The following MALAT1 variants were observed in gnomAD, a reference collection of about 807,000 sequenced individuals.
MALAT1 encodes the protein metastasis associated lung adenocarcinoma transcript 1.
At chr11:65,498,368 G>C (rs1854448053) in intron 1 of MALAT1, 2 of 518,268 alleles carry the variant, frequency 3.9e-6, no homozygotes, top group Non-Finnish European at 7.7e-6. Flanking sequence ...CCGCAGATCA[G>C]AGTGGGCCAC....
At chr11:65,500,542 A>G (rs1370112777) in exon 3 of MALAT1, 1 of 518,994 alleles carries the variant, frequency 1.9e-6, no homozygotes, top group East Asian at 5.4e-5. Flanking sequence ...TCCAGGAGCC[A>G]GTGCGATTTG....
exon 3 of MALAT1, chr11:65,501,207 G>A (rs752425223): frequency 4.0e-6 from 2 of 497,890 alleles, no homozygotes; most frequent in Admixed American, 2.1e-5. Context: ...TAACTGAGGC[G>A]GGGGGGAGTT....
exon 3 of MALAT1, chr11:65,501,356 A>T (rs1351796151): frequency 1.9e-6 from 1 of 518,580 alleles, no homozygotes; most frequent in Non-Finnish European, 3.8e-6. Context: ...TAATCAGACC[A>T]CCACAGGTTT....
At chr11:65,499,067 G>T (rs776016085) in exon 3 of MALAT1, 3 of 518,212 alleles carry the variant, frequency 5.8e-6, no homozygotes, top group East Asian at 1.1e-4. Flanking sequence ...AGCCAGCGCA[G>T]GGGCTTCTGC....
At chr11:65,503,276 T>C (rs1565054566) in exon 3 of MALAT1, 3 of 517,596 alleles carry the variant, frequency 5.8e-6, no homozygotes, top group Non-Finnish European at 1.2e-5. Context: ...ATATCAACCA[T>C]GGCACTTTCT....
At chr11:65,502,133 G>GT (rs1590703593) in exon 3 of MALAT1, 3 of 516,708 alleles carry the variant, frequency 5.8e-6, no homozygotes, top group Non-Finnish European at 7.7e-6. Flanking sequence ...ATTTGATACT[G>GT]TATCTGTTTT....
At chr11:65,501,705 T>C (rs1854549609) in exon 3 of MALAT1, 2 of 519,030 alleles carry the variant, frequency 3.9e-6, no homozygotes, top group South Asian at 2.8e-5. Flanking sequence ...GTATTCCCAG[T>C]TGAAGCTGAA....
intron 3 of MALAT1, chr11:65,505,645 TCCA>T (rs1854668933): frequency 1.9e-6 from 1 of 518,890 alleles, no homozygotes; most frequent in African/African-American, 1.9e-5. Flanking sequence ...GTGGGCATGA[TCCA>T]TAATCGGTTT....
At chr11:65,499,821 C>T (rs757600154) in exon 3 of MALAT1, 2 of 418,384 alleles carry the variant, frequency 4.8e-6, no homozygotes, top group South Asian at 3.6e-5. Context: ...AAGCTAAGGG[C>T]AAAATGTACA....
At chr11:65,500,684 G>A (rs771408929) in exon 3 of MALAT1, 12 of 519,024 alleles carry the variant, frequency 2.3e-5, no homozygotes, top group South Asian at 1.5e-4. Flanking sequence ...ACCACACGGA[G>A]GAGGCGAGCA....
chr11:65,502,262 T>C (rs935574954), exon 3 of MALAT1: 1 of 518,532 alleles, frequency 1.9e-6, no homozygotes, highest in African/African-American at 1.9e-5. Context: ...TATGGTAGTG[T>C]GTGGTTCTCT....
chr11:65,504,763 C>A (rs1434570848), intron 3 of MALAT1: 1 of 518,856 alleles, frequency 1.9e-6, no homozygotes, highest in African/African-American at 1.9e-5. Context: ...ATCTTTAGTG[C>A]ATTGTTTATG....
At chr11:65,504,784 T>C (rs1334633413) in intron 3 of MALAT1, 1 of 518,908 alleles carries the variant, frequency 1.9e-6, no homozygotes, top group African/African-American at 1.9e-5. Context: ...TGTGGGTTTC[T>C]CTCTCCCCTC....
intron 2 of MALAT1, chr11:65,498,787 T>TA: frequency 1.9e-6 from 1 of 518,976 alleles, no homozygotes; most frequent in South Asian, 1.4e-5. Flanking sequence ...CCGTTTAAAA[T>TA]ATGATTTCCA....
At chr11:65,503,880 T>G (rs1327848113) in exon 3 of MALAT1, 1 of 518,206 alleles carries the variant, frequency 1.9e-6, no homozygotes, top group Non-Finnish European at 3.9e-6. Flanking sequence ...GCCCTCTAAA[T>G]AAGGAATAAA....
chr11:65,498,011 T>G, intron 1 of MALAT1: 1 of 518,896 alleles, frequency 1.9e-6, no homozygotes, highest in Non-Finnish European at 3.8e-6. Context: ...ACTCTGCAGT[T>G]TGGTCTTGGG....
exon 3 of MALAT1, chr11:65,499,676 G>A: frequency 2.3e-6 from 1 of 434,292 alleles, no homozygotes; most frequent in Non-Finnish European, 4.5e-6. Flanking sequence ...CTGGAAGACA[G>A]AAGTACGGGA....
exon 3 of MALAT1, chr11:65,503,758 A>G: frequency 1.9e-6 from 1 of 516,144 alleles, no homozygotes; most frequent in Non-Finnish European, 3.9e-6. Flanking sequence ...TCTTTAATGG[A>G]CCAGATCAGG....
exon 3 of MALAT1, chr11:65,501,612 A>G (rs997577031): frequency 3.9e-6 from 2 of 518,812 alleles, no homozygotes; most frequent in Non-Finnish European, 3.8e-6. Flanking sequence ...TACTATTGAC[A>G]AACTGGGTTA....
Sources: gnomAD v4.1 joint callset for allele counts on GRCh38, gnomAD v4.1.1 for gene constraint, MANE v1.5 for transcripts, NCBI Gene and HGNC (gene_info 2026-07-23, HGNC 2026-07-21) for gene names.